Variants in FHIT observed in about 807,000 individuals in gnomAD.
FHIT encodes fragile histidine triad diadenosine triphosphatase, also known as bis(5'-adenosyl)-triphosphatase.
FHIT carries 19 observed loss-of-function variants against 17.9 expected under a neutral mutation model. The observed-to-expected ratio is 1.06, with a 90% CI of 0.74 to 1.56. The LOEUF (loss-of-function observed/expected upper bound fraction) is 1.56, where lower values mean the gene tolerates loss of function less well. Among genes scored for constraint, FHIT ranks in the 40% most tolerant of loss-of-function variants. FHIT has a pLI of 0.00. For synonymous variants in FHIT, 81 were observed against 69.7 expected, an observed-to-expected ratio of 1.16 and a Z score of -0.81; for missense variants, 248 against 189.2, an observed-to-expected ratio of 1.31 and a Z score of -1.82.
intron 3 of FHIT, among the ~76,000 whole-genome samples, chr3:60,899,016 A>T (rs1165124110): frequency 2.0e-5 from 3 of 152,238 alleles, no homozygotes; most frequent in African/African-American, 4.8e-5. Flanking sequence ...ATTGAAAAAC[A>T]ATAACATGCA....
chr3:60,049,789 G>A (rs1222101084), intron 5 of FHIT, among the ~76,000 whole-genome samples: 1 of 152,088 alleles, frequency 6.6e-6, no homozygotes, highest in Non-Finnish European at 1.5e-5. Flanking sequence ...CCAGACAGGG[G>A]TGATCTAGGT....
intron 5 of FHIT, among the ~76,000 whole-genome samples, chr3:60,130,416 G>C (rs556289542): frequency 6.6e-6 from 1 of 152,076 alleles, no homozygotes. Flanking sequence ...AAGGTGCCAC[G>C]GTTATCCTCA....
chr3:60,516,272 T>G (rs894983205), intron 5 of FHIT, among the ~76,000 whole-genome samples: 2 of 152,216 alleles, frequency 1.3e-5, no homozygotes, highest in African/African-American at 4.8e-5. Flanking sequence ...TGTAATATTT[T>G]AATAATATTT....
In FHIT at chr3:61,067,955, T is replaced by C. The variant is rs373827059; in HGVS notation, c.-163-25856A>G. On this transcript the variant is annotated intron_variant, in intron 2 of 9. Transcript: ENST00000492590. ...TACTCAATATTTGGGAATTCTATTATTGTATAATGGTGGTTCTCAAACTTC... is the reference window on the plus strand; with the variant it reads ...TACTCAATATTTGGGAATTCTATTACTGTATAATGGTGGTTCTCAAACTTC... Among the ~76,000 whole-genome samples, 13 of 152,306 alleles carry C rather than the reference T, an allele frequency of 8.5e-5. 1 individual carries two copies. The highest frequency in any genetic ancestry group is 2.0e-4 in the Admixed American group (3 of 15,300).
intron 3 of FHIT, among the ~76,000 whole-genome samples, chr3:60,966,764 C>A (rs1357675330): frequency 6.6e-6 from 1 of 152,150 alleles, no homozygotes; most frequent in Admixed American, 6.6e-5. Flanking sequence ...ATTTAAACTG[C>A]AATTGGAACA....
In FHIT at chr3:60,653,865, T is replaced by A. The variant is rs1298628785; in HGVS notation, c.-17-116886A>T. On this transcript the variant is annotated intron_variant, in intron 4 of 9. Transcript: ENST00000492590. ...CAGAAAGTTTACCTCCCATTCACCC[T>A]GATATGGCTTGGATATTTGTTCCTG... Among the ~76,000 whole-genome samples, 4 of 152,332 alleles carry A rather than the reference T, an allele frequency of 2.6e-5. No individual in the cohort carries two copies. In the East Asian group the frequency reaches 7.7e-4, roughly 29 times the overall value.
chr3:59,808,775 A>C (rs1700301283), intron 8 of FHIT, among the ~76,000 whole-genome samples: 1 of 152,168 alleles, frequency 6.6e-6, no homozygotes, highest in Admixed American at 6.5e-5. Flanking sequence ...ATAATCTATA[A>C]GACCTAACAG....
chr3:59,828,241 C>A (rs1279780512), intron 8 of FHIT, among the ~76,000 whole-genome samples: 1 of 152,154 alleles, frequency 6.6e-6, no homozygotes, highest in Non-Finnish European at 1.5e-5. Context: ...AAAAAATAAT[C>A]ATCAGAAACA....
intron 5 of FHIT, among the ~76,000 whole-genome samples, chr3:60,330,988 A>G (rs113161565): frequency 4.6e-5 from 7 of 152,142 alleles, no homozygotes; most frequent in African/African-American, 1.7e-4. Context: ...GACAAATGTG[A>G]CCACAACCTC....
rs181878591 is a variant in FHIT, at chr3:59,776,895, G to T, written c.349-24574C>A. 8.5e-5 allele frequency among the ~76,000 whole-genome samples: 13 copies of T among 152,242 alleles called. No homozygotes were observed. In the East Asian group the frequency reaches 2.5e-3, roughly 29 times the overall value. ...GTAGCAGAATTTATTGACAAGCTCA[G>T]GTTTCTTGACTTCAGAACTCCGATT... On this transcript the variant is annotated intron_variant, in intron 8 of 9. Coordinates refer to ENST00000492590, the MANE Select transcript of FHIT (RefSeq NM_002012.4).
intron 5 of FHIT, among the ~76,000 whole-genome samples, chr3:60,390,948 A>G (rs1315597453): frequency 6.6e-6 from 1 of 152,070 alleles, no homozygotes; most frequent in Non-Finnish European, 1.5e-5. Context: ...GGGAGGCTGA[A>G]TCGGGAGGAT....
chr3:60,418,417 T>C (rs1702341232), intron 5 of FHIT, among the ~76,000 whole-genome samples: 3 of 52,298 alleles, frequency 5.7e-5, no homozygotes, highest in African/African-American at 1.1e-4. Context: ...TATATATATA[T>C]ATATATATAC....
chr3:60,305,864 G>A (rs183495591), intron 5 of FHIT, among the ~76,000 whole-genome samples: 102 of 152,156 alleles, frequency 6.7e-4, no homozygotes, highest in African/African-American at 2.2e-3. Flanking sequence ...TGGTGATAAC[G>A]CACAGTTTTA....
At chr3:60,398,783 G>T (rs977107330) in intron 5 of FHIT, among the ~76,000 whole-genome samples, 10 of 152,048 alleles carry the variant, frequency 6.6e-5, no homozygotes, top group Admixed American at 1.3e-4. Flanking sequence ...GATTTCATAG[G>T]AGTTAAGAAA....
At chr3:61,007,135 T>G (rs1277449396) in intron 3 of FHIT, among the ~76,000 whole-genome samples, 1 of 152,194 alleles carries the variant, frequency 6.6e-6, no homozygotes, top group Non-Finnish European at 1.5e-5. Context: ...AATGAAATGT[T>G]GTTGTTTTGT....
rs189688341 is a variant in FHIT, at chr3:60,105,842, G to A, written c.104-91690C>T. Among the ~76,000 whole-genome samples, 48 of 152,198 alleles carry A rather than the reference G, an allele frequency of 3.2e-4. No individual in the cohort carries two copies. The East Asian group carries it at 8.3e-3, about 26-fold the overall frequency. On this transcript the variant is annotated intron_variant, in intron 5 of 9. Coordinates refer to ENST00000492590, the MANE Select transcript of FHIT (RefSeq NM_002012.4). ...CATTAAAAGAAGAAAAAGAAAATGG[G>A]CAGGAAAATTAGTAATGAGAGATGA...
At chr3:61,113,729 G>A (rs2036224202) in intron 2 of FHIT, among the ~76,000 whole-genome samples, 2 of 152,138 alleles carry the variant, frequency 1.3e-5, no homozygotes, top group Admixed American at 1.3e-4. Flanking sequence ...TGCCCCCATT[G>A]TAACCCCAGC....
chr3:60,590,642 C>T (rs1553663879), intron 4 of FHIT, among the ~76,000 whole-genome samples: 1 of 152,124 alleles, frequency 6.6e-6, no homozygotes, highest in Non-Finnish European at 1.5e-5. Context: ...TATTTTGCAA[C>T]TTCTGTGTGC....
At chr3:60,718,994 G>A (rs1553707443) in intron 4 of FHIT, among the ~76,000 whole-genome samples, 1 of 152,030 alleles carries the variant, frequency 6.6e-6, no homozygotes, top group African/African-American at 2.4e-5. Context: ...AACAATTAAG[G>A]CAAATGCTCA....
Sources: allele counts gnomAD v4.1 joint callset (sites outside exome capture counted in the v4.1 genomes callset), GRCh38; gene constraint gnomAD v4.1.1; transcripts MANE v1.5; gene names NCBI Gene and HGNC (gene_info 2026-07-23, HGNC 2026-07-21).